TPPP2: variants seen among roughly 807,000 people sequenced by gnomAD.
TPPP2 encodes the protein tubulin polymerization promoting protein family member 2.
A neutral mutation model predicts 13.0 loss-of-function variants in TPPP2; 8 were observed. The observed-to-expected ratio is 0.62, with a 90% CI of 0.36 to 1.11. The LOEUF is 1.11. Among genes scored for constraint, TPPP2 ranks in the 50% most tolerant of loss-of-function variants. The pLI is 0.02. For synonymous variants in TPPP2, 81 were observed against 81.8 expected, an observed-to-expected ratio of 0.99 and a Z score of 0.05; for missense variants, 213 against 216.9, an observed-to-expected ratio of 0.98 and a Z score of 0.11.
At chr14:21,027,048 G>A (rs761644042), upstream of TPPP2, among the ~76,000 whole-genome samples, 1 of 152,136 alleles carries the variant, frequency 6.6e-6, no homozygotes, top group Non-Finnish European at 1.5e-5. Context: ...TTCGTCTCTG[G>A]GTCAGGATGA....
downstream of TPPP2, chr14:21,036,111 C>A: frequency 2.2e-6 from 1 of 446,706 alleles, no homozygotes. Flanking sequence ...TCAGTATGAG[C>A]CTGAGTCCAT....
At chr14:21,033,734 A>C (rs756849240), downstream of TPPP2, 4 of 978,824 alleles carry the variant, frequency 4.1e-6, no homozygotes, top group Non-Finnish European at 6.6e-6. Context: ...GTAAGTCAGG[A>C]AGGAAGTCTT....
rs998164807 is a variant in TPPP2 at position 21,030,485 on chromosome 14, C to T, written c.-69-28C>T. On this transcript the variant is annotated intron_variant, in intron 1 of 3. Transcript: ENST00000321760. ...TGTTCCTGTTGCTGACTGATTTTACCATAACACTCATCCTCATTACTCCAC... is the reference window on the plus strand; with the variant it reads ...TGTTCCTGTTGCTGACTGATTTTACTATAACACTCATCCTCATTACTCCAC... The T allele has an allele frequency of 2.9e-5, 38 of 1,304,892 alleles. No individual in the cohort carries two copies. In the Middle Eastern group the frequency reaches 7.1e-4, roughly 24 times the overall value. The allele number at this position is 1,304,892 out of a possible 1,614,324, so 80.8% of individuals were successfully genotyped here.
downstream of TPPP2, among the ~76,000 whole-genome samples, chr14:21,035,578 T>C (rs534525675): frequency 7.9e-5 from 12 of 152,304 alleles, no homozygotes; most frequent in South Asian, 4.2e-4. Flanking sequence ...TTTTTACCTT[T>C]GCTGGGCAGC....
upstream of TPPP2, among the ~76,000 whole-genome samples, chr14:21,028,127 C>G (rs971941848): frequency 6.6e-5 from 10 of 152,174 alleles, no homozygotes; most frequent in Admixed American, 6.5e-4. Flanking sequence ...CCATTCCACT[C>G]CAGGGACTAT....
chr14:21,031,219 C>T, intron 3 of TPPP2, 54 bp downstream of exon 3: 1 of 1,588,570 alleles, frequency 6.3e-7, no homozygotes, highest in Non-Finnish European at 8.6e-7. Flanking sequence ...CCCATTGTTC[C>T]AGTCTACCCT....
At chr14:21,034,128 C>A (rs1159412722), downstream of TPPP2, 3 of 1,614,074 alleles carry the variant, frequency 1.9e-6, no homozygotes, top group African/African-American at 4.0e-5. Context: ...GGACATCAGA[C>A]CATTACAATA....
chr14:21,033,040 C>G (rs190261954), downstream of TPPP2: 1 of 451,134 alleles, frequency 2.2e-6, no homozygotes, highest in Admixed American at 2.4e-5. Flanking sequence ...TTGGGAGGAG[C>G]TTCTGGAAGA....
At position 21,025,089 on chromosome 14, in the gene TPPP2, G is replaced by C. The variant is rs977752865; in HGVS notation, n.236+745G>C. ...CTTTGACTCGGGCCCGCCCCGGCTC[G>C]GGCTTCCCGCAGACCCGCCCCCGGC... On this transcript the variant is annotated intron_variant and non_coding_transcript_variant, in intron 1 of 1. Coordinates refer to the TPPP2 transcript ENST00000533755. This position sits in a 1 kb window ranked among gnomAD's most constrained non-coding sequence, Gnocchi z 5.1. 139 of 985,640 alleles carry C rather than the reference G, an allele frequency of 1.4e-4. No individual in the cohort carries two copies. The highest frequency in any genetic ancestry group is 1.6e-4 in the Non-Finnish European group (131 of 830,412). The allele number at this position is 985,640 out of a possible 1,614,324, so 61.1% of individuals were successfully genotyped here. A position where few individuals can be genotyped will look rare whatever the true frequency, so the allele number is the denominator to read the frequency against.
At chr14:21,030,831 G>A in intron 2 of TPPP2, 77 bp downstream of exon 2, 1 of 1,556,614 alleles carries the variant, frequency 6.4e-7, no homozygotes, top group Non-Finnish European at 8.7e-7. Context: ...TCACGTGGTG[G>A]AACATTTGCA....
At chr14:21,033,685 C>A (rs1884403861), downstream of TPPP2, 5 of 695,048 alleles carry the variant, frequency 7.2e-6, no homozygotes, top group Admixed American at 1.1e-4. Context: ...GACATTTTCG[C>A]ACCCACCTGG....
chr14:21,035,847 T>C (rs1255044340), downstream of TPPP2: 2 of 456,000 alleles, frequency 4.4e-6, no homozygotes, highest in Non-Finnish European at 8.8e-6. Flanking sequence ...CCCCTCCACC[T>C]CCCCAATCCC....
chr14:21,026,691 C>G (rs943881836), upstream of TPPP2, among the ~76,000 whole-genome samples: 2 of 152,008 alleles, frequency 1.3e-5, no homozygotes, highest in Non-Finnish European at 2.9e-5. Flanking sequence ...AGGAGCTCCC[C>G]CTACATCCCC....
downstream of TPPP2, chr14:21,034,667 C>T (rs1025511681): frequency 2.0e-5 from 4 of 197,718 alleles, no homozygotes; most frequent in Admixed American, 2.2e-4. Flanking sequence ...TGACAATTCT[C>T]TGGCAGCTGG....
chr14:21,025,794 T>A, upstream of TPPP2: 2 of 360,642 alleles, frequency 5.5e-6, no homozygotes, highest in Non-Finnish European at 7.3e-6. This position sits in a 1 kb window ranked among gnomAD's most constrained non-coding sequence, Gnocchi z 5.1. Flanking sequence ...TAGAGGGCGA[T>A]CGCGGGCAGG....
intron 2 of TPPP2, 104 bp downstream of exon 2, chr14:21,030,858 CCA>C: frequency 6.6e-7 from 1 of 1,512,956 alleles, no homozygotes; most frequent in Non-Finnish European, 9.0e-7. Flanking sequence ...CTACCAAGCA[CCA>C]CAGGGTACCT....
At chr14:21,035,092 G>A (rs779531390), downstream of TPPP2, among the ~76,000 whole-genome samples, 1 of 152,164 alleles carries the variant, frequency 6.6e-6, no homozygotes, top group Non-Finnish European at 1.5e-5. Context: ...TCCCACTCAC[G>A]GGAGCCCAGG....
Position 21,030,570 on chromosome 14 carries a change from C to T in TPPP2, c.-12C>T, listed in dbSNP as rs764367353. 9.9e-6 allele frequency: 16 copies of T among 1,612,620 alleles called. No individual in the cohort carries two copies. Among genetic ancestry groups the T allele is most frequent in the Non-Finnish European group, 2.5e-6 (3 of 1,179,462 alleles). On this transcript the variant is annotated 5_prime_UTR_variant, in exon 2 of 4. Transcript: ENST00000321760. ...GTCTCCCACGACTGCCCTCCCCGACCTCTAGCTGACCATGGCATCAGAGGC... is the reference window on the plus strand; with the variant it reads ...GTCTCCCACGACTGCCCTCCCCGACTTCTAGCTGACCATGGCATCAGAGGC...
In TPPP2 at chr14:21,032,567, G is replaced by A. The variant is rs1884296384; in HGVS notation, c.*490G>A. 2.9e-6 allele frequency: 1 copy of A among 346,122 alleles called. No homozygotes were observed. Among genetic ancestry groups the A allele is most frequent in the Non-Finnish European group, 5.6e-6 (1 of 177,716 alleles). The allele number at this position is 346,122 out of a possible 1,614,324, so 21.4% of individuals were successfully genotyped here. A position where few individuals can be genotyped will look rare whatever the true frequency, so the allele number is the denominator to read the frequency against. Reference sequence around the variant, plus strand: ...TTTTTGGGTGGAGGAGTAGAAGCCAGCTAAGGTTGCCTGACTTCTATTACA... The same window carrying A: ...TTTTTGGGTGGAGGAGTAGAAGCCAACTAAGGTTGCCTGACTTCTATTACA... On this transcript the variant is annotated 3_prime_UTR_variant, in exon 4 of 4. Transcript: ENST00000321760.
Sources: gnomAD v4.1 joint callset for allele counts (sites outside exome capture counted in the v4.1 genomes callset) on GRCh38, gnomAD v4.1.1 for gene constraint, Gnocchi (gnomAD v3.1) non-coding constraint, MANE v1.5 for transcripts, NCBI Gene and HGNC (gene_info 2026-07-23, HGNC 2026-07-21) for gene names.